DCC: variants seen among roughly 807,000 people sequenced by gnomAD.
The protein encoded by DCC is netrin receptor DCC.
DCC carries 58 observed loss-of-function variants against 172.5 expected under a neutral mutation model. The ratio of observed to expected loss-of-function variants is 0.34; its 90% confidence interval spans 0.27 to 0.42. The LOEUF (loss-of-function observed/expected upper bound fraction) is 0.42. Ranked by LOEUF, DCC falls within the 10% of genes least tolerant of loss-of-function variation. The pLI is 1.00. For synonymous variants in DCC, 709 were observed against 644.5 expected (o/e 1.10, Z -1.52); for missense variants, 1,740 against 1,791.0 (o/e 0.97, Z 0.51).
chr18:52,423,533 C>T (rs1416988211), intron 1 of DCC, among the ~76,000 whole-genome samples: 1 of 151,854 alleles, frequency 6.6e-6, no homozygotes, highest in Non-Finnish European at 1.5e-5. Flanking sequence ...TGAGATGAAG[C>T]CTGCTTTTCT....
chr18:52,906,412 T>C (rs1160066543), intron 3 of DCC, 84 bp downstream of exon 3: 3 of 1,378,026 alleles, frequency 2.2e-6, no homozygotes, highest in Non-Finnish European at 1.0e-6. Context: ...CAGATATTTG[T>C]AATTGTTATA....
At chr18:53,219,922 G>T (rs2055905829) in intron 12 of DCC, among the ~76,000 whole-genome samples, 1 of 152,132 alleles carries the variant, frequency 6.6e-6, no homozygotes, top group Admixed American at 6.6e-5. Context: ...CAAGACAGAG[G>T]AAATCTAAGT....
rs187975314 is a variant in DCC at position 52,562,662 on chromosome 18, G to A, written c.92-189392G>A. Among the ~76,000 whole-genome samples, 9 of 152,126 alleles carry A rather than the reference G, an allele frequency of 5.9e-5. 1 individual carries two copies. Among genetic ancestry groups the A allele is most frequent in the Admixed American group, 4.6e-4 (7 of 15,260 alleles). The stretch of plus-strand genomic sequence containing the variant: ...TTGCCGCACACTATGATTTATATAC[G>A]AGTATGATTAGGAAAAAATGAAGAG... On this transcript the variant is annotated intron_variant, in intron 1 of 28. Coordinates refer to ENST00000442544, the MANE Select transcript of DCC (RefSeq NM_005215.4).
At chr18:53,461,434 A>G (rs1248862533) in intron 24 of DCC, among the ~76,000 whole-genome samples, 1 of 152,024 alleles carries the variant, frequency 6.6e-6, no homozygotes, top group Non-Finnish European at 1.5e-5. Flanking sequence ...TTAAGTCCTT[A>G]ATCCACCTTG....
intron 2 of DCC, among the ~76,000 whole-genome samples, chr18:52,855,931 G>A (rs2034699825): frequency 6.6e-6 from 1 of 151,800 alleles, no homozygotes; most frequent in East Asian, 2.0e-4. Flanking sequence ...ATGCTCGGCT[G>A]ATTTTTTATT....
At chr18:52,696,376 C>T (rs74370371) in intron 1 of DCC, among the ~76,000 whole-genome samples, 45 of 152,310 alleles carry the variant, frequency 3.0e-4, no homozygotes, top group Admixed American at 5.9e-4. Flanking sequence ...AACAGGACAT[C>T]TGGAGAAGAG....
intron 7 of DCC, among the ~76,000 whole-genome samples, chr18:53,128,870 C>CACACACACACACACACATAT (rs1300738812): frequency 1.3e-5 from 1 of 77,480 alleles, no homozygotes; most frequent in African/African-American, 6.3e-5. Flanking sequence ...CACACACACA[C>CACACACACACACACACATAT]ATATATATAT....
intron 9 of DCC, among the ~76,000 whole-genome samples, chr18:53,189,758 G>T (rs1359208440): frequency 3.3e-5 from 5 of 152,126 alleles, no homozygotes; most frequent in Non-Finnish European, 5.9e-5. Flanking sequence ...TGGCCTGAAG[G>T]AAACTAATAA....
chr18:52,929,817 AACACACAC>A (rs34457182), intron 5 of DCC, among the ~76,000 whole-genome samples: 1,715 of 144,832 alleles, frequency 0.012, 13 homozygotes, highest in Admixed American at 0.016. Context: ...GGACTTTGCA[AACACACAC>A]ACACACACAC....
At chr18:52,626,287 C>T (rs2034572423) in intron 1 of DCC, among the ~76,000 whole-genome samples, 1 of 152,184 alleles carries the variant, frequency 6.6e-6, no homozygotes, top group South Asian at 2.1e-4. Context: ...TTGCTTCCTC[C>T]TTGACTTGTG....
At chr18:53,060,895 G>T (rs2042485501) in intron 5 of DCC, among the ~76,000 whole-genome samples, 6 of 151,700 alleles carry the variant, frequency 4.0e-5, no homozygotes, top group Non-Finnish European at 7.4e-5. Context: ...TTGACATTGA[G>T]AATATAGAAA....
chr18:52,385,609 G>C (rs546686556), intron 1 of DCC, among the ~76,000 whole-genome samples: 2 of 152,072 alleles, frequency 1.3e-5, no homozygotes, highest in South Asian at 4.1e-4. Flanking sequence ...AGGATGAAGT[G>C]ATTCTATATA....
intron 1 of DCC, among the ~76,000 whole-genome samples, chr18:52,561,455 C>T (rs113732595): frequency 0.042 from 6,239 of 149,566 alleles, 159 homozygotes; most frequent in Non-Finnish European, 0.054. Context: ...GCTACACACA[C>T]ATATATATAT....
At chr18:53,189,133 A>C (rs1030331628) in intron 9 of DCC, among the ~76,000 whole-genome samples, 1 of 152,098 alleles carries the variant, frequency 6.6e-6, no homozygotes, top group African/African-American at 2.4e-5. Flanking sequence ...TGAGCAAACT[A>C]TGAAGTATAT....
chr18:52,957,458 G>A (rs927073835), intron 5 of DCC, among the ~76,000 whole-genome samples: 2 of 152,074 alleles, frequency 1.3e-5, no homozygotes, highest in African/African-American at 4.8e-5. Flanking sequence ...GAACTAAAGA[G>A]ATGCAAGAGA....
intron 13 of DCC, among the ~76,000 whole-genome samples, chr18:53,312,522 A>T (rs939533547): frequency 1.4e-5 from 1 of 71,276 alleles, no homozygotes; most frequent in African/African-American, 6.8e-5. Flanking sequence ...TTTTCAAAAT[A>T]TACATACAAA....
intron 9 of DCC, among the ~76,000 whole-genome samples, chr18:53,194,421 G>A (rs2055413245): frequency 1.3e-5 from 2 of 151,762 alleles, no homozygotes; most frequent in South Asian, 4.2e-4. Flanking sequence ...CAGGGACTCT[G>A]TTGGCCAGGT....
intron 7 of DCC, among the ~76,000 whole-genome samples, chr18:53,083,098 T>C (rs965803447): frequency 2.6e-5 from 4 of 152,078 alleles, no homozygotes; most frequent in Non-Finnish European, 4.4e-5. Flanking sequence ...AAAAACAACA[T>C]AATCATCAAA....
At chr18:53,232,267 G>T (rs1371553539) in intron 12 of DCC, among the ~76,000 whole-genome samples, 1 of 152,032 alleles carries the variant, frequency 6.6e-6, no homozygotes, top group African/African-American at 2.4e-5. Flanking sequence ...TTGCTTGTCA[G>T]CTCCCTACTT....
Sources: gnomAD v4.1 joint callset for allele counts (sites outside exome capture counted in the v4.1 genomes callset) on GRCh38, gnomAD v4.1.1 for gene constraint, MANE v1.5 for transcripts, NCBI Gene and HGNC (gene_info 2026-07-23, HGNC 2026-07-21) for gene names.